The following OSBPL6 variants were observed in gnomAD, a reference collection of about 807,000 sequenced individuals.
OSBPL6 encodes the protein oxysterol-binding protein-related protein 6.
A neutral mutation model predicts 125.8 loss-of-function variants in OSBPL6; 49 were observed. That is an observed-to-expected ratio of 0.39 (90% CI 0.31 to 0.49). The LOEUF is 0.49. OSBPL6 is among the 20% of genes least tolerant of loss of function. OSBPL6 has a pLI of 0.88. For missense variants in OSBPL6, 986 were observed against 1,135.4 expected, an observed-to-expected ratio of 0.87 and a Z score of 1.89; for synonymous variants, 394 against 391.8, an observed-to-expected ratio of 1.01 and a Z score of -0.07.
chr2:178,338,933 C>A, intron 9 of OSBPL6, 58 bp from the exon 10 acceptor site: 1 of 1,211,274 alleles, frequency 8.3e-7, no homozygotes, highest in Non-Finnish European at 1.2e-6. Context: ...CCTTTTATTA[C>A]CATCCCCACC....
chr2:178,349,148 G>C lies in OSBPL6; in HGVS notation c.988-76G>C. 4.2e-6 allele frequency: 6 copies of C among 1,421,106 alleles called. No homozygotes were observed. In the South Asian group the frequency reaches 6.9e-5, roughly 16 times the overall value. The allele number at this position is 1,421,106 out of a possible 1,614,324, so 88.0% of individuals were successfully genotyped here. A position where few individuals can be genotyped will look rare whatever the true frequency, so the allele number is the denominator to read the frequency against. ...AGGAATCTATTATTTTGAAGAACGG[G>C]AGAGGTCTTTTCTATGTAGGAGAAT... On this transcript the variant is annotated intron_variant, in intron 11 of 24. Transcript: ENST00000190611.
chr2:178,379,995 A>G (rs1694311062), intron 15 of OSBPL6, among the ~76,000 whole-genome samples: 1 of 152,246 alleles, frequency 6.6e-6, no homozygotes, highest in Non-Finnish European at 1.5e-5. Flanking sequence ...GACAAAGACC[A>G]GTTGTTTTTA....
chr2:178,317,501 A>G (rs1460630132), intron 3 of OSBPL6, among the ~76,000 whole-genome samples: 2 of 143,190 alleles, frequency 1.4e-5, no homozygotes, highest in African/African-American at 5.1e-5. Flanking sequence ...TCATTCATTC[A>G]GCAAACATTT....
chr2:178,263,925 T>A (rs140363701), intron 1 of OSBPL6, among the ~76,000 whole-genome samples: 1 of 152,294 alleles, frequency 6.6e-6, no homozygotes, highest in Non-Finnish European at 1.5e-5. Flanking sequence ...CTGAAGCTTC[T>A]TCTTTCTGCT....
In OSBPL6 at chr2:178,225,144, G is replaced by A. The variant is rs1483797582; in HGVS notation, c.-351+30470G>A. Among the ~76,000 whole-genome samples the A allele has an allele frequency of 2.6e-5, 4 of 151,748 alleles. No homozygotes were observed. The South Asian group carries it at 8.3e-4, about 32-fold the overall frequency. On this transcript the variant is annotated intron_variant, in intron 1 of 24. Coordinates refer to ENST00000190611, the MANE Select transcript of OSBPL6 (RefSeq NM_032523.4). ...TCTAATAAGCTGAATGAATGCAGAT[G>A]CTAATAGGCAGAAAGGCATTGTGTA...
chr2:178,235,303 CTTAT>C (rs1055705999), intron 1 of OSBPL6, among the ~76,000 whole-genome samples: 13 of 135,696 alleles, frequency 9.6e-5, no homozygotes, highest in African/African-American at 3.4e-4. Context: ...TTTTTGTGGT[CTTAT>C]TTGTATCTCT....
chr2:178,352,674 A>G (rs1470029850), intron 12 of OSBPL6, among the ~76,000 whole-genome samples: 1 of 152,224 alleles, frequency 6.6e-6, no homozygotes, highest in Non-Finnish European at 1.5e-5. Flanking sequence ...AGTTGAAAAA[A>G]AGGCAGCAGA....
At chr2:178,318,206 A>G (rs180738062) in intron 3 of OSBPL6, among the ~76,000 whole-genome samples, 224 of 152,310 alleles carry the variant, frequency 1.5e-3, no homozygotes, top group African/African-American at 5.2e-3. Context: ...ATGGGTCCAC[A>G]TGGTATTTCT....
intron 21 of OSBPL6, 97 bp from the exon 22 acceptor site, chr2:178,390,976 A>C (rs1695354340): frequency 6.8e-7 from 1 of 1,474,496 alleles, no homozygotes; most frequent in Admixed American, 2.1e-5. Flanking sequence ...GGTTTGAATA[A>C]GGGACTTCAA....
chr2:178,376,258 G>A (rs1056205960), intron 15 of OSBPL6, among the ~76,000 whole-genome samples: 3 of 151,856 alleles, frequency 2.0e-5, no homozygotes, highest in South Asian at 2.1e-4. Context: ...CCACCACTCC[G>A]CCAGGGGAGA....
intron 11 of OSBPL6, among the ~76,000 whole-genome samples, chr2:178,348,635 C>T (rs1253613924): frequency 6.6e-6 from 1 of 152,098 alleles, no homozygotes; most frequent in Non-Finnish European, 1.5e-5. Context: ...AAAGGTAAAC[C>T]ACAGAGATTT....
chr2:178,273,784 A>G (rs2092417093), intron 1 of OSBPL6, among the ~76,000 whole-genome samples: 1 of 152,126 alleles, frequency 6.6e-6, no homozygotes, highest in Non-Finnish European at 1.5e-5. Flanking sequence ...TACATCGCAT[A>G]ACCATATCAC....
At chr2:178,338,942 C>T in intron 9 of OSBPL6, 49 bp from the exon 10 acceptor site, 1 of 1,364,074 alleles carries the variant, frequency 7.3e-7, no homozygotes, top group Non-Finnish European at 1.0e-6. Flanking sequence ...ACCATCCCCA[C>T]CGCTCCCTAC....
At chr2:178,267,082 G>C (rs1050546382) in intron 1 of OSBPL6, among the ~76,000 whole-genome samples, 1 of 152,090 alleles carries the variant, frequency 6.6e-6, no homozygotes, top group African/African-American at 2.4e-5. Flanking sequence ...GGCCAGACAT[G>C]GTAGCTCATG....
At chr2:178,289,429 A>G (rs574970514) in intron 2 of OSBPL6, among the ~76,000 whole-genome samples, 9 of 152,368 alleles carry the variant, frequency 5.9e-5, no homozygotes, top group Admixed American at 3.9e-4. Flanking sequence ...AGATTCATCT[A>G]TCTCCTTCTC....
At chr2:178,375,348 C>T (rs989265283) in intron 15 of OSBPL6, among the ~76,000 whole-genome samples, 3 of 152,204 alleles carry the variant, frequency 2.0e-5, no homozygotes, top group Non-Finnish European at 4.4e-5. Context: ...ATTTCCTTTT[C>T]TGACTCTGCC....
At chr2:178,387,032 A>G (rs1695001710) in intron 19 of OSBPL6, 29 bp from the exon 20 acceptor site, 2 of 1,489,188 alleles carry the variant, frequency 1.3e-6, no homozygotes, top group Non-Finnish European at 1.9e-6. Flanking sequence ...TGGGGTATGT[A>G]TTTCTTGTCC....
chr2:178,304,678 C>T (rs900195984), intron 2 of OSBPL6, among the ~76,000 whole-genome samples: 7 of 152,170 alleles, frequency 4.6e-5, no homozygotes, highest in Admixed American at 2.0e-4. Flanking sequence ...AATACTGTTG[C>T]GTTGGGGTTA....
intron 16 of OSBPL6, 72 bp downstream of exon 16, chr2:178,382,579 G>A (rs1311323312): frequency 1.3e-6 from 2 of 1,598,128 alleles, no homozygotes; most frequent in East Asian, 2.3e-5. Flanking sequence ...TAATGAACAG[G>A]CATTCCCCCT....
Sources: gnomAD v4.1 joint callset for allele counts (sites outside exome capture counted in the v4.1 genomes callset) on GRCh38, gnomAD v4.1.1 for gene constraint, MANE v1.5 for transcripts, NCBI Gene and HGNC (gene_info 2026-07-23, HGNC 2026-07-21) for gene names.